Variants in HACD2 observed in about 807,000 individuals in gnomAD.
HACD2 encodes the protein 3-hydroxyacyl-CoA dehydratase 2.
In HACD2, 15 loss-of-function variants were observed where a neutral mutation model predicts 31.0. That is an observed-to-expected ratio of 0.48 (90% confidence interval 0.32 to 0.75). The LOEUF (loss-of-function observed/expected upper bound fraction) is 0.75, where lower values mean the gene tolerates loss of function less well. Among genes scored for constraint, HACD2 ranks in the 30% least tolerant of loss-of-function variants. The pLI, the probability that HACD2 is intolerant of heterozygous loss-of-function variation, is 0.03. For synonymous variants in HACD2, 115 were observed against 122.2 expected (o/e 0.94, Z 0.39); for missense variants, 283 against 313.0 (o/e 0.90, Z 0.72).
At chr3:123,519,531 G>C (rs2056187085) in intron 4 of HACD2, among the ~76,000 whole-genome samples, 1 of 152,174 alleles carries the variant, frequency 6.6e-6, no homozygotes, top group African/African-American at 2.4e-5. Context: ...GTTCCTCTAT[G>C]ATCTTTAAGA....
At chr3:123,544,434 A>C (rs1200204065) in intron 3 of HACD2, among the ~76,000 whole-genome samples, 2 of 152,234 alleles carry the variant, frequency 1.3e-5, no homozygotes, top group Admixed American at 6.5e-5. Context: ...ATATTTTTTC[A>C]TATCAATCTT....
intron 3 of HACD2, among the ~76,000 whole-genome samples, chr3:123,566,760 G>C (rs1221593894): frequency 6.6e-6 from 1 of 152,094 alleles, no homozygotes; most frequent in Non-Finnish European, 1.5e-5. Flanking sequence ...AGCCAGGCAT[G>C]GTGGCGCACG....
chr3:123,497,382 T>A (rs2055846795), intron 6 of HACD2, among the ~76,000 whole-genome samples: 1 of 152,102 alleles, frequency 6.6e-6, no homozygotes, highest in African/African-American at 2.4e-5. Context: ...GGGGTGTGGG[T>A]GCTGCTGGGC....
chr3:123,568,911 T>G (rs916818539), intron 2 of HACD2, among the ~76,000 whole-genome samples: 1 of 152,204 alleles, frequency 6.6e-6, no homozygotes, highest in Non-Finnish European at 1.5e-5. Context: ...CCCAGGGCAG[T>G]AAATGATGGT....
rs140658591 is a variant in HACD2 at position 123,561,040 on chromosome 3, A to G, written c.292+6722T>C. On this transcript the variant is annotated intron_variant, in intron 3 of 6. Transcript: ENST00000383657. ...GATGGCAGTTCCTTTACAATACTGC[A>G]TTGTGAATGACTGATAAAAACTTGG... 2.8e-3 allele frequency among the ~76,000 whole-genome samples: 430 copies of G among 152,298 alleles called. 3 individuals are homozygous for G. The highest frequency in any genetic ancestry group is 9.8e-3 in the African/African-American group (408 of 41,566).
At chr3:123,562,688 T>A (rs2056747307) in intron 3 of HACD2, among the ~76,000 whole-genome samples, 1 of 152,210 alleles carries the variant, frequency 6.6e-6, no homozygotes, top group Non-Finnish European at 1.5e-5. Flanking sequence ...CTTTTACTGA[T>A]GAAGAATTAA....
At chr3:123,500,255 AC>A (rs1218157129) in intron 6 of HACD2, among the ~76,000 whole-genome samples, 3 of 152,120 alleles carry the variant, frequency 2.0e-5, no homozygotes. Context: ...TACATACTTA[AC>A]CTAGCCTGGT....
At chr3:123,514,094 G>A (rs1455475600) in intron 4 of HACD2, among the ~76,000 whole-genome samples, 1 of 152,130 alleles carries the variant, frequency 6.6e-6, no homozygotes, top group East Asian at 1.9e-4. Flanking sequence ...GGGCAACATG[G>A]TGAAACCCTG....
chr3:123,520,856 A>G (rs1182008206), intron 4 of HACD2, among the ~76,000 whole-genome samples: 1 of 152,204 alleles, frequency 6.6e-6, no homozygotes, highest in African/African-American at 2.4e-5. Flanking sequence ...ACATATAACT[A>G]AAGTTAAAAC....
intron 4 of HACD2, among the ~76,000 whole-genome samples, chr3:123,527,861 G>A (rs375221836): frequency 6.6e-6 from 1 of 152,238 alleles, no homozygotes; most frequent in East Asian, 1.9e-4. Context: ...AACGTGTTTC[G>A]GTCAGCAGCA....
chr3:123,573,118 G>A (rs1165982109), intron 2 of HACD2, among the ~76,000 whole-genome samples: 1 of 152,060 alleles, frequency 6.6e-6, no homozygotes, highest in Non-Finnish European at 1.5e-5. Context: ...ACCAATTTGA[G>A]TTACATCTAC....
chr3:123,541,108 T>C (rs2056484919), intron 3 of HACD2, among the ~76,000 whole-genome samples: 1 of 152,112 alleles, frequency 6.6e-6, no homozygotes, highest in African/African-American at 2.4e-5. Context: ...CCATCTTTGC[T>C]AAAAATACAA....
chr3:123,533,772 C>T (rs2056393451), intron 3 of HACD2, among the ~76,000 whole-genome samples: 1 of 152,202 alleles, frequency 6.6e-6, no homozygotes, highest in Non-Finnish European at 1.5e-5. Context: ...TGAGCTCACA[C>T]TCCCAGGCTA....
intron 6 of HACD2, among the ~76,000 whole-genome samples, chr3:123,496,581 C>T (rs867243017): frequency 1.3e-5 from 2 of 152,156 alleles, no homozygotes; most frequent in Non-Finnish European, 1.5e-5. Context: ...AGAAAAGACC[C>T]CACTTAAGCA....
chr3:123,502,296 A>T (rs977381712), intron 5 of HACD2, among the ~76,000 whole-genome samples: 6 of 149,582 alleles, frequency 4.0e-5, no homozygotes, highest in African/African-American at 4.9e-5. Flanking sequence ...GAAATTTTTT[A>T]AAAAAGAAAA....
chr3:123,582,129 G>A, intron 2 of HACD2, 83 bp downstream of exon 2: 6 of 862,884 alleles, frequency 7.0e-6, no homozygotes, highest in Non-Finnish European at 1.0e-5. Flanking sequence ...TCCAAAGGGG[G>A]TATGCTACTT....
chr3:123,557,541 G>A (rs895336710), intron 3 of HACD2, among the ~76,000 whole-genome samples: 8 of 151,984 alleles, frequency 5.3e-5, no homozygotes, highest in African/African-American at 1.9e-4. Context: ...TGGGAGGCTG[G>A]GGCAGGAGGA....
chr3:123,493,383 G>A lies in HACD2; in HGVS notation c.*1505C>T, dbSNP rs1393074605. ...GAGAAAAAAAAAATTTAGTTTTCCAGTATGAGTTTTCTGATATTCGCAATT... is the reference window on the plus strand; with the variant it reads ...GAGAAAAAAAAAATTTAGTTTTCCAATATGAGTTTTCTGATATTCGCAATT... On this transcript the variant is annotated 3_prime_UTR_variant, in exon 7 of 7. Coordinates refer to ENST00000383657, the MANE Select transcript of HACD2 (RefSeq NM_198402.5). 1 of 152,168 alleles carries A rather than the reference G, an allele frequency of 6.6e-6. No individual in the cohort carries two copies. The highest frequency in any genetic ancestry group is 2.4e-5 in the African/African-American group (1 of 41,430). The allele number at this position is 152,168 out of a possible 1,614,324, so 9.4% of individuals were successfully genotyped here. A position where few individuals can be genotyped will look rare whatever the true frequency, so the allele number is the denominator to read the frequency against.
intron 6 of HACD2, among the ~76,000 whole-genome samples, chr3:123,495,835 C>T (rs933733258): frequency 1.3e-5 from 2 of 152,124 alleles, no homozygotes; most frequent in Non-Finnish European, 2.9e-5. Context: ...CTAAAACATG[C>T]CATAATGCAT....
Sources: allele counts gnomAD v4.1 joint callset (sites outside exome capture counted in the v4.1 genomes callset), GRCh38; gene constraint gnomAD v4.1.1; transcripts MANE v1.5; gene names NCBI Gene and HGNC (gene_info 2026-07-23, HGNC 2026-07-21).